Variants in SORCS3 observed in about 807,000 individuals in gnomAD.
SORCS3 encodes the protein sortilin related VPS10 domain containing receptor 3, also known as VPS10 domain-containing receptor SorCS3.
A neutral mutation model predicts 146.3 loss-of-function variants in SORCS3; 57 were observed. That is an observed-to-expected ratio of 0.39 (90% CI 0.31 to 0.49). The LOEUF is 0.49. Ranked by LOEUF, SORCS3 falls within the 20% of genes least tolerant of loss-of-function variation. The pLI is 0.92. For missense variants in SORCS3, 1,341 were observed against 1,575.5 expected (o/e 0.85, Z 2.52); for synonymous variants, 653 against 618.5 (o/e 1.06, Z -0.83).
At chr10:104,829,564 G>T (rs1393551506) in intron 1 of SORCS3, among the ~76,000 whole-genome samples, 1 of 152,122 alleles carries the variant, frequency 6.6e-6, no homozygotes, top group Non-Finnish European at 1.5e-5. Context: ...GCCATTTGGG[G>T]CCAGGTTGAG....
At chr10:105,004,487 G>T (rs778118901) in intron 4 of SORCS3, among the ~76,000 whole-genome samples, 3 of 152,148 alleles carry the variant, frequency 2.0e-5, no homozygotes, top group Non-Finnish European at 4.4e-5. Context: ...CCGAACAGCT[G>T]AAGTCAAAGG....
chr10:104,700,046 T>C (rs1323433543), intron 1 of SORCS3, among the ~76,000 whole-genome samples: 1 of 152,180 alleles, frequency 6.6e-6, no homozygotes, highest in East Asian at 1.9e-4. Context: ...AGTCAAAGCA[T>C]TGCCTAAGGT....
intron 1 of SORCS3, among the ~76,000 whole-genome samples, chr10:104,800,614 C>T (rs1346505701): frequency 6.6e-6 from 1 of 152,024 alleles, no homozygotes; most frequent in Non-Finnish European, 1.5e-5. Context: ...TATCTCTGTA[C>T]CATCCTTTCA....
chr10:105,187,747 T>G (rs1413808778), intron 14 of SORCS3, among the ~76,000 whole-genome samples: 1 of 152,218 alleles, frequency 6.6e-6, no homozygotes, highest in Non-Finnish European at 1.5e-5. Context: ...GAACATTTAT[T>G]ATTTCTTTAC....
At chr10:105,030,349 G>A (rs552889771) in intron 4 of SORCS3, among the ~76,000 whole-genome samples, 1 of 152,296 alleles carries the variant, frequency 6.6e-6, no homozygotes, top group East Asian at 1.9e-4. Context: ...ATGCTGGTCT[G>A]AGATGGTCTC....
intron 1 of SORCS3, among the ~76,000 whole-genome samples, chr10:104,836,349 T>G (rs560953400): frequency 5.3e-5 from 8 of 152,234 alleles, no homozygotes; most frequent in African/African-American, 1.9e-4. Flanking sequence ...AAAAATCACT[T>G]TACTATCAAA....
intron 2 of SORCS3, among the ~76,000 whole-genome samples, chr10:104,880,834 C>T (rs1455357778): frequency 6.6e-6 from 1 of 152,192 alleles, no homozygotes; most frequent in African/African-American, 2.4e-5. Flanking sequence ...GATCCTGCTT[C>T]ACAAGCTATC....
intron 2 of SORCS3, among the ~76,000 whole-genome samples, chr10:104,893,049 T>C (rs553727981): frequency 9.8e-5 from 15 of 152,306 alleles, no homozygotes; most frequent in African/African-American, 3.1e-4. Flanking sequence ...CTACCCTCTC[T>C]CAGTCTCTGT....
At chr10:104,974,446 G>C (rs894890782) in intron 3 of SORCS3, among the ~76,000 whole-genome samples, 1 of 152,158 alleles carries the variant, frequency 6.6e-6, no homozygotes, top group Non-Finnish European at 1.5e-5. Context: ...TTACCATTAT[G>C]TAATGGCCTT....
At chr10:105,000,137 G>C (rs2055052328) in intron 4 of SORCS3, among the ~76,000 whole-genome samples, 1 of 152,054 alleles carries the variant, frequency 6.6e-6, no homozygotes, top group Non-Finnish European at 1.5e-5. Flanking sequence ...CCAACAAAAA[G>C]ACAAGGACAG....
At chr10:104,736,958 G>C (rs943095521) in intron 1 of SORCS3, among the ~76,000 whole-genome samples, 1 of 151,800 alleles carries the variant, frequency 6.6e-6, no homozygotes, top group Non-Finnish European at 1.5e-5. Context: ...AGTCCCCAGA[G>C]TGTGATGTTC....
intron 1 of SORCS3, among the ~76,000 whole-genome samples, chr10:104,787,129 A>G (rs1047580904): frequency 2.0e-5 from 3 of 152,190 alleles, no homozygotes; most frequent in Non-Finnish European, 4.4e-5. Flanking sequence ...AGGAGCACAC[A>G]GAGTCCTCAC....
chr10:104,838,898 G>A (rs578171432), intron 1 of SORCS3, among the ~76,000 whole-genome samples: 17 of 152,150 alleles, frequency 1.1e-4, no homozygotes, highest in Non-Finnish European at 1.6e-4. Context: ...TGGCTCTTAG[G>A]CTCCGGCTTT....
intron 20 of SORCS3, among the ~76,000 whole-genome samples, chr10:105,241,937 A>G (rs932501929): frequency 6.6e-6 from 1 of 152,152 alleles, no homozygotes; most frequent in African/African-American, 2.4e-5. Context: ...AATAGGGATC[A>G]ATCAGAGAAA....
At chr10:104,694,087 G>A (rs1331407344) in intron 1 of SORCS3, among the ~76,000 whole-genome samples, 2 of 151,238 alleles carry the variant, frequency 1.3e-5, no homozygotes, top group African/African-American at 4.9e-5. Flanking sequence ...TGTTAGCAAA[G>A]CCCCTCTCCT....
chr10:104,938,985 C>A (rs1292090225), intron 3 of SORCS3, among the ~76,000 whole-genome samples: 2 of 152,228 alleles, frequency 1.3e-5, no homozygotes, highest in Non-Finnish European at 2.9e-5. Flanking sequence ...CCCAGATCTG[C>A]TTTCCTGGTC....
At chr10:104,732,794 A>G (rs1005076380) in intron 1 of SORCS3, among the ~76,000 whole-genome samples, 11 of 152,180 alleles carry the variant, frequency 7.2e-5, no homozygotes, top group African/African-American at 2.4e-4. Flanking sequence ...TAGATGGCCT[A>G]TTTAGCTGGG....
chr10:105,229,937 C>A (rs2056757328), intron 20 of SORCS3, among the ~76,000 whole-genome samples: 1 of 152,126 alleles, frequency 6.6e-6, no homozygotes, highest in South Asian at 2.1e-4. Context: ...GTAGCAATGG[C>A]AGGATAACCC....
chr10:104,758,022 A>T (rs2017075975), intron 1 of SORCS3, among the ~76,000 whole-genome samples: 1 of 152,048 alleles, frequency 6.6e-6, no homozygotes, highest in Non-Finnish European at 1.5e-5. Context: ...AAAACAGGAG[A>T]ATTTTCAGCC....
Sources: allele counts gnomAD v4.1 joint callset (sites outside exome capture counted in the v4.1 genomes callset), GRCh38; gene constraint gnomAD v4.1.1; transcripts MANE v1.5; gene names NCBI Gene and HGNC (gene_info 2026-07-23, HGNC 2026-07-21).